LETM2: variants seen among roughly 807,000 people sequenced by gnomAD.
LETM2 encodes LETM1 domain-containing protein LETM2, mitochondrial.
A neutral mutation model predicts 59.6 loss-of-function variants in LETM2; 58 were observed. That is an observed-to-expected ratio of 0.97 (90% CI 0.79 to 1.21). The LOEUF (loss-of-function observed/expected upper bound fraction) is 1.21, where lower values mean the gene tolerates loss of function less well. LETM2 is among the 50% of genes most tolerant of loss of function. LETM2 has a pLI of 0.00. For missense variants in LETM2, 572 were observed against 575.7 expected (o/e 0.99, Z 0.07); for synonymous variants, 199 against 214.1 (o/e 0.93, Z 0.62).
At chr8:38,396,863 A>T (rs541447996) in intron 4 of LETM2, 1 of 194,466 alleles carries the variant, frequency 5.1e-6, no homozygotes, top group East Asian at 1.6e-4. Flanking sequence ...CAGTGAACTG[A>T]GATCAGGCCA....
In LETM2 at chr8:38,400,396, C is replaced by G. The variant is rs147828005; in HGVS notation, c.770C>G (p.Ser257Cys). ...GGCGATGCCTCTACACAGCTCTCAT[C>G]CTACGTGAAGCAGGTGTCCATCTTT... ...KMGDASTQLS[S>C]YVKQVQTGHK... Residue 257 changes from serine (S) to cysteine (C), a missense_variant, in exon 5 of 11, where the codon TCC becomes TGC. Ser to Cys is a moderately radical substitution (Grantham distance 112, BLOSUM62 -1). Transcript: ENST00000379957. 1.6e-4 allele frequency: 250 copies of G among 1,585,942 alleles called. 1 individual carries two copies. In the African/African-American group the frequency reaches 1.8e-3, roughly 12 times the overall value.
At chr8:38,389,583 TTC>T (rs1252160887) in intron 2 of LETM2, among the ~76,000 whole-genome samples, 1 of 152,018 alleles carries the variant, frequency 6.6e-6, no homozygotes, top group African/African-American at 2.4e-5. Context: ...TTTTTGGCCA[TTC>T]AAAGAGCGTT....
chr8:38,404,680 A>G, intron 8 of LETM2, 174 bp downstream of exon 8: 2 of 572,316 alleles, frequency 3.5e-6, no homozygotes, highest in Non-Finnish European at 6.2e-6. Context: ...CCAACCACAA[A>G]CAAACAAAAC....
upstream of LETM2, among the ~76,000 whole-genome samples, chr8:38,384,919 C>A (rs190342852): frequency 1.8e-4 from 27 of 152,176 alleles, no homozygotes; most frequent in Non-Finnish European, 3.5e-4. Flanking sequence ...TTTTTGCATC[C>A]TTTAAGATCT....
intron 2 of LETM2, among the ~76,000 whole-genome samples, chr8:38,390,769 G>A (rs1222565098): frequency 4.7e-5 from 7 of 148,768 alleles, no homozygotes; most frequent in African/African-American, 9.9e-5. Context: ...TGCAGCCTCC[G>A]CCTCCTGGGT....
intron 4 of LETM2, 115 bp downstream of exon 4, chr8:38,394,356 C>T: frequency 2.0e-6 from 1 of 505,768 alleles, no homozygotes; most frequent in Non-Finnish European, 3.4e-6. Context: ...ATCCCAATTT[C>T]TCCTGTAATT....
chr8:38,389,153 T>C (rs1002123463), intron 2 of LETM2, among the ~76,000 whole-genome samples: 1 of 152,238 alleles, frequency 6.6e-6, no homozygotes, highest in Admixed American at 6.5e-5. Flanking sequence ...AAATGGCTGA[T>C]GAACAGCCAG....
intron 2 of LETM2, among the ~76,000 whole-genome samples, chr8:38,388,783 G>T (rs1811980242): frequency 6.6e-6 from 1 of 150,600 alleles, no homozygotes; most frequent in Non-Finnish European, 1.5e-5. Flanking sequence ...TTCTTTTTTG[G>T]GACGGATTAT....
At chr8:38,408,126 T>C (rs1813880417) in intron 10 of LETM2, 86 bp from the exon 11 acceptor site, 1 of 957,888 alleles carries the variant, frequency 1.0e-6, no homozygotes. Flanking sequence ...GTCACTATTT[T>C]GATTAAGAAA....
intron 2 of LETM2, among the ~76,000 whole-genome samples, chr8:38,389,009 G>A (rs1811997731): frequency 6.6e-6 from 1 of 151,608 alleles, no homozygotes; most frequent in Non-Finnish European, 1.5e-5. Context: ...CAGGTAATCC[G>A]CCAGCCTGGG....
intron 4 of LETM2, among the ~76,000 whole-genome samples, chr8:38,394,651 G>A (rs1464699762): frequency 6.6e-6 from 1 of 152,004 alleles, no homozygotes; most frequent in Non-Finnish European, 1.5e-5. Context: ...AGACCAGCCT[G>A]GGTATCATAG....
In LETM2 at chr8:38,407,980, A is replaced by G. The variant is rs1418161300; in HGVS notation, c.1414-232A>G. The G allele has an allele frequency of 2.0e-5, 10 of 489,810 alleles. No individual in the cohort carries two copies. In the East Asian group the frequency reaches 3.0e-4, roughly 15 times the overall value. 30.3% of individuals were successfully genotyped at this position (489,810 alleles called of 1,614,324 possible). ...CCTGTGGACCAAAGACATGGCTGGCAGGACAGAGAATCTATGAAGACACAG... is the reference window on the plus strand; with the variant it reads ...CCTGTGGACCAAAGACATGGCTGGCGGGACAGAGAATCTATGAAGACACAG... On this transcript the variant is annotated intron_variant, in intron 10 of 10. Coordinates refer to ENST00000379957, the MANE Select transcript of LETM2 (RefSeq NM_001286819.2).
chr8:38,382,832 C>G (rs1484798423), upstream of LETM2: 1 of 152,272 alleles, frequency 6.6e-6, no homozygotes, highest in East Asian at 1.9e-4. This position sits in a 1 kb window ranked among gnomAD's most constrained non-coding sequence, Gnocchi z 4.2. Context: ...GGGGGCGATG[C>G]AAGACCGCCT....
At position 38,407,429 on chromosome 8, in the gene LETM2, T is replaced by G; in HGVS notation, c.1379T>G (p.Leu460Ter). Residue 460 changes from leucine (L) to a stop codon, truncating the protein, a stop_gained, in exon 10 of 11, where the codon TTA (leucine) becomes TGA (stop). Coordinates refer to ENST00000379957, the MANE Select transcript of LETM2 (RefSeq NM_001286819.2). LOFTEE classifies it high-confidence loss of function. ...ATAACACCATCAACACCTATTTCATTACCTAAAGGACCCATCACTTCTTCT... is the reference window on the plus strand; with the variant it reads ...ATAACACCATCAACACCTATTTCATGACCTAAAGGACCCATCACTTCTTCT... ...SPITPSTPIS[L>*]PKGPITSSEE... 6.2e-7 allele frequency: 1 copy of G among 1,612,562 alleles called. No individual in the cohort carries two copies. Among genetic ancestry groups the G allele is most frequent in the Non-Finnish European group, 8.5e-7 (1 of 1,178,670 alleles).
rs1813235719 is a variant in LETM2 at position 38,401,616 on chromosome 8, C to T, written c.984+563C>T. The T allele has an allele frequency of 1.9e-5, 3 of 158,374 alleles. No homozygotes were observed. In the South Asian group the frequency reaches 5.4e-4, roughly 28 times the overall value. 9.8% of individuals were successfully genotyped at this position (158,374 alleles called of 1,614,324 possible). A position where few individuals can be genotyped will look rare whatever the true frequency, so the allele number is the denominator to read the frequency against. Reference sequence around the variant, plus strand: ...AGTAATTTGGATGTCTTAGCTGGGACTCATCTAAAGCAGTTAGGACCTGCT... The same window carrying T: ...AGTAATTTGGATGTCTTAGCTGGGATTCATCTAAAGCAGTTAGGACCTGCT... On this transcript the variant is annotated intron_variant, in intron 6 of 10. Coordinates refer to ENST00000379957, the MANE Select transcript of LETM2 (RefSeq NM_001286819.2).
chr8:38,395,299 A>T (rs529960553), intron 4 of LETM2, among the ~76,000 whole-genome samples: 10 of 152,306 alleles, frequency 6.6e-5, no homozygotes, highest in Admixed American at 4.6e-4. Flanking sequence ...AAATTGCTAA[A>T]CTGTCTTCCG....
intron 8 of LETM2, among the ~76,000 whole-genome samples, chr8:38,405,267 C>A (rs1048661730): frequency 2.6e-5 from 4 of 152,046 alleles, no homozygotes; most frequent in Admixed American, 6.6e-5. Context: ...AATCATTTTT[C>A]TTCCTGGTGT....
Position 38,406,994 on chromosome 8 carries a change from A to G in LETM2, c.1267A>G (p.Lys423Glu). The G allele has an allele frequency of 1.9e-6, 3 of 1,612,352 alleles. No individual in the cohort carries two copies. Among genetic ancestry groups the G allele is most frequent in the South Asian group, 1.1e-5 (1 of 91,026 alleles). The part of the protein sequence containing the change: ...LVELPTFTES[K>E]ENMVDLAPQL... ...GGAATTACCTACTTTCACTGAATCT[A>G]AAGAGAACATGGTGGATCTTGCACC... is the stretch of plus-strand genomic sequence containing the variant. Residue 423 changes from lysine (K) to glutamate (E), a missense_variant, in exon 9 of 11, where the codon AAA becomes GAA. Physicochemically the swap from Lys to Glu is moderately conservative, Grantham distance 56 (BLOSUM62 1). Coordinates refer to ENST00000379957, the MANE Select transcript of LETM2 (RefSeq NM_001286819.2).
Position 38,400,432 on chromosome 8 carries a change from C to T in LETM2, c.783+23C>T, listed in dbSNP as rs144441260. On this transcript the variant is annotated intron_variant, in intron 5 of 10. Coordinates refer to ENST00000379957, the MANE Select transcript of LETM2 (RefSeq NM_001286819.2). ...CAGGTGTCCATCTTTTATGTAATGC[C>T]GAACAACTTCGGGGCTGGGCGTTCT... The T allele has an allele frequency of 1.2e-5, 19 of 1,543,186 alleles. No individual in the cohort carries two copies. In the African/African-American group the frequency reaches 2.1e-4, roughly 17 times the overall value.
Sources: gnomAD v4.1 joint callset for allele counts (sites outside exome capture counted in the v4.1 genomes callset) on GRCh38, gnomAD v4.1.1 for gene constraint, Gnocchi (gnomAD v3.1) non-coding constraint, MANE v1.5 for transcripts, NCBI Gene and HGNC (gene_info 2026-07-23, HGNC 2026-07-21) for gene names.